The following AGAP1 variants were observed in gnomAD, a reference collection of about 807,000 sequenced individuals.
AGAP1 encodes ArfGAP with GTPase domain, ankyrin repeat and PH domain 1.
AGAP1 carries 29 observed loss-of-function variants against 105.3 expected under a neutral mutation model. The ratio of observed to expected loss-of-function variants is 0.28; its 90% CI spans 0.21 to 0.38. AGAP1 has a LOEUF of 0.38. AGAP1 is among the 10% of genes least tolerant of loss of function. The probability of loss-of-function intolerance (pLI) is 1.00; values close to 1 mark genes in which losing one functional copy is unlikely to be tolerated. For missense variants in AGAP1, 998 were observed against 1,165.1 expected (o/e 0.86, Z 2.09); for synonymous variants, 509 against 485.9 (o/e 1.05, Z -0.63).
chr2:235,798,870 CAAAAAAAAAA>C lies in AGAP1; in HGVS notation c.802-482_802-473del, dbSNP rs1041317180. Among the ~76,000 whole-genome samples, 34 of 49,028 alleles carry C rather than the reference CAAAAAAAAAA, an allele frequency of 6.9e-4. No individual in the cohort carries two copies. In the East Asian group the frequency reaches 0.018, roughly 25 times the overall value. The allele number at this position is 49,028 out of a possible 152,430, so 32.2% of individuals were successfully genotyped here. A position where few individuals can be genotyped will look rare whatever the true frequency, so the allele number is the denominator to read the frequency against. ...TGGGTGACAGAGTGAGACCCTGTCT[CAAAAAAAAAA>C]AAAAAAAAAAAAAAGAATGTCTTCA... On this transcript the variant is annotated intron_variant, in intron 7 of 17. Transcript: ENST00000304032.
rs908233920 is a variant in AGAP1 at position 235,973,681 on chromosome 2, G to A, written c.1645+5058G>A. On this transcript the variant is annotated intron_variant, in intron 13 of 17. Transcript: ENST00000304032. The surrounding 1 kb of genome is among the most constrained non-coding windows in gnomAD (Gnocchi z 4.7). ...GGCCCAGGTGGTAACCATGGGACCT[G>A]ATGGGTGGAAGCCTCAAGGAGGTGG... 6.6e-6 allele frequency among the ~76,000 whole-genome samples: 1 copy of A among 152,208 alleles called. No individual in the cohort carries two copies. Among genetic ancestry groups the A allele is most frequent in the Non-Finnish European group, 1.5e-5 (1 of 68,038 alleles).
At position 235,623,786 on chromosome 2, in the gene AGAP1, A is replaced by G. The variant is rs966147215; in HGVS notation, c.164-85393A>G. Among the ~76,000 whole-genome samples the G allele has an allele frequency of 7.2e-5, 11 of 152,128 alleles. No individual in the cohort carries two copies. Among genetic ancestry groups the G allele is most frequent in the Admixed American group, 5.9e-4 (9 of 15,272 alleles). Reference sequence around the variant, plus strand: ...ATTTACATGTCAGATTTTTTTGAGTATTGTAGTTTTTTTCAATATTTATGG... The same window carrying G: ...ATTTACATGTCAGATTTTTTTGAGTGTTGTAGTTTTTTTCAATATTTATGG... On this transcript the variant is annotated intron_variant, in intron 1 of 17. Transcript: ENST00000304032. This position sits in a 1 kb window ranked among gnomAD's most constrained non-coding sequence, Gnocchi z 4.5.
chr2:235,712,031 T>C lies in AGAP1; in HGVS notation c.222+2794T>C, dbSNP rs1950883219. 6.6e-6 allele frequency among the ~76,000 whole-genome samples: 1 copy of C among 151,922 alleles called. No homozygotes were observed. The highest frequency in any genetic ancestry group is 2.4e-5 in the African/African-American group (1 of 41,244). Reference sequence around the variant, plus strand: ...TGCCTTATGTTTTATTTTCTTTCTTTCTTTTTTTTTTGTTACGGGGTCTCA... The same window carrying C: ...TGCCTTATGTTTTATTTTCTTTCTTCCTTTTTTTTTTGTTACGGGGTCTCA... On this transcript the variant is annotated intron_variant, in intron 2 of 17. Transcript: ENST00000304032. This position sits in a 1 kb window ranked among gnomAD's most constrained non-coding sequence, Gnocchi z 6.0.
chr2:235,550,742 C>T lies in AGAP1; in HGVS notation c.163+55893C>T, dbSNP rs1181549295. On this transcript the variant is annotated intron_variant, in intron 1 of 17. Coordinates refer to ENST00000304032, the MANE Select transcript of AGAP1 (RefSeq NM_001037131.3). The surrounding 1 kb of genome is among the most constrained non-coding windows in gnomAD (Gnocchi z 4.6). ...ATCCTTCCTGTGGCCAAAGAGTGAGCTCTTTGATGCTGATGAGATAGTGTT... is the reference window on the plus strand; with the variant it reads ...ATCCTTCCTGTGGCCAAAGAGTGAGTTCTTTGATGCTGATGAGATAGTGTT... Among the ~76,000 whole-genome samples the T allele has an allele frequency of 4.6e-5, 7 of 152,140 alleles. No individual in the cohort carries two copies. The highest frequency in any genetic ancestry group is 1.7e-4 in the African/African-American group (7 of 41,428).
chr2:236,029,256 G>A lies in AGAP1; in HGVS notation c.1646-7305G>A, dbSNP rs1219863640. Among the ~76,000 whole-genome samples, 4 of 150,988 alleles carry A rather than the reference G, an allele frequency of 2.6e-5. No homozygotes were observed. The South Asian group carries it at 6.3e-4, about 24-fold the overall frequency. On this transcript the variant is annotated intron_variant, in intron 13 of 17. Coordinates refer to ENST00000304032, the MANE Select transcript of AGAP1 (RefSeq NM_001037131.3). ...TGTCTTTCACAAACCTGCCTTCTAG[G>A]ATCTTCCTGAAATACATCCTTTTTT...
Position 235,701,784 on chromosome 2 carries a change from A to G in AGAP1, c.164-7395A>G, listed in dbSNP as rs942524776. On this transcript the variant is annotated intron_variant, in intron 1 of 17. Transcript: ENST00000304032. This position sits in a 1 kb window ranked among gnomAD's most constrained non-coding sequence, Gnocchi z 4.1. ...TGAAATGGATTTCTTTATTCTATTT[A>G]AGACTCCACTTCCTTCCTCGGCACA... 6.6e-6 allele frequency among the ~76,000 whole-genome samples: 1 copy of G among 152,062 alleles called. No individual in the cohort carries two copies. The highest frequency in any genetic ancestry group is 2.4e-5 in the African/African-American group (1 of 41,412).
intron 9 of AGAP1, among the ~76,000 whole-genome samples, chr2:235,868,572 G>T (rs1198697260): frequency 1.3e-5 from 2 of 152,158 alleles, no homozygotes; most frequent in African/African-American, 4.8e-5. Flanking sequence ...GCGAGCAGAG[G>T]CCGGCACCAT....
At chr2:235,850,360 G>A (rs369755565) in intron 9 of AGAP1, among the ~76,000 whole-genome samples, 128 of 152,312 alleles carry the variant, frequency 8.4e-4, no homozygotes, top group South Asian at 2.5e-3. Flanking sequence ...CTACTAATGC[G>A]TGGCCTTTCT....
At chr2:235,772,117 C>T (rs1203948267) in intron 6 of AGAP1, among the ~76,000 whole-genome samples, 1 of 151,664 alleles carries the variant, frequency 6.6e-6, no homozygotes, top group Non-Finnish European at 1.5e-5. Context: ...GCCTCAGCCT[C>T]CCAAGTAGCT....
intron 8 of AGAP1, among the ~76,000 whole-genome samples, chr2:235,804,916 A>G (rs534652486): frequency 9.4e-4 from 143 of 152,306 alleles, no homozygotes; most frequent in African/African-American, 3.2e-3. Flanking sequence ...CCTCGGATCC[A>G]TTCCAGCATC....
intron 6 of AGAP1, among the ~76,000 whole-genome samples, chr2:235,784,160 A>T (rs1956461014): frequency 6.6e-6 from 1 of 152,172 alleles, no homozygotes; most frequent in Admixed American, 6.5e-5. Flanking sequence ...TACTACATTA[A>T]AAATGTCATT....
intron 12 of AGAP1, among the ~76,000 whole-genome samples, chr2:235,945,351 AC>A (rs1314464618): frequency 3.9e-5 from 6 of 152,110 alleles, no homozygotes. Flanking sequence ...TGATCCACCC[AC>A]CTTGGCCTCC....
At chr2:235,835,702 T>C (rs149711749) in intron 9 of AGAP1, among the ~76,000 whole-genome samples, 1 of 152,376 alleles carries the variant, frequency 6.6e-6, no homozygotes, top group East Asian at 1.9e-4. Context: ...CTGGGCACTT[T>C]ACAACAAAAT....
intron 1 of AGAP1, among the ~76,000 whole-genome samples, chr2:235,585,688 G>C (rs1017204142): frequency 1.3e-5 from 2 of 152,142 alleles, no homozygotes; most frequent in East Asian, 1.9e-4. Context: ...ACAGAAATTT[G>C]AGTCCATTTT....
chr2:235,671,303 C>G (rs114560582), intron 1 of AGAP1, among the ~76,000 whole-genome samples: 1,732 of 152,294 alleles, frequency 0.011, 29 homozygotes, highest in African/African-American at 0.039. Context: ...GAGAGCTTGA[C>G]CCGGGAGAGG....
chr2:235,778,858 C>A (rs1263430824), intron 6 of AGAP1, among the ~76,000 whole-genome samples: 1 of 152,224 alleles, frequency 6.6e-6, no homozygotes, highest in African/African-American at 2.4e-5. Context: ...GGCACCACAT[C>A]TTTGTCACCT....
At chr2:235,568,363 C>T (rs1044240724) in intron 1 of AGAP1, among the ~76,000 whole-genome samples, 4 of 152,236 alleles carry the variant, frequency 2.6e-5, no homozygotes, top group Non-Finnish European at 5.9e-5. Context: ...GACGCCCGTT[C>T]TCTTACTCTG....
chr2:235,661,402 G>A (rs1357350863), intron 1 of AGAP1, among the ~76,000 whole-genome samples: 1 of 152,122 alleles, frequency 6.6e-6, no homozygotes, highest in East Asian at 1.9e-4. Context: ...GGAGAGTTGG[G>A]TGTGGGCGGG....
rs952793952 is a variant in AGAP1 at position 235,792,385 on chromosome 2, G to A, written c.674-5374G>A. ...TCCTTATCCAGTAGTACTAATGTGC[G>A]GAAATACCAGGAGTGGACAAGCCAC... On this transcript the variant is annotated intron_variant, in intron 6 of 17. Coordinates refer to ENST00000304032, the MANE Select transcript of AGAP1 (RefSeq NM_001037131.3). The surrounding 1 kb of genome is among the most constrained non-coding windows in gnomAD (Gnocchi z 5.3). Among the ~76,000 whole-genome samples, 6 of 152,120 alleles carry A rather than the reference G, an allele frequency of 3.9e-5. No homozygotes were observed. The highest frequency in any genetic ancestry group is 3.9e-4 in the East Asian group (2 of 5,184).
Sources: allele counts gnomAD v4.1 joint callset (sites outside exome capture counted in the v4.1 genomes callset), GRCh38; gene constraint gnomAD v4.1.1; non-coding constraint Gnocchi (gnomAD v3.1); transcripts MANE v1.5; gene names NCBI Gene and HGNC (gene_info 2026-07-23, HGNC 2026-07-21).